The following NCOR1 variants were observed in gnomAD, a reference collection of about 807,000 sequenced individuals.
The protein encoded by NCOR1 is protein phosphatase 1, regulatory subunit 109.
NCOR1 carries 63 observed loss-of-function variants against 288.1 expected under a neutral mutation model. The ratio of observed to expected loss-of-function variants is 0.22; its 90% CI spans 0.18 to 0.27. NCOR1 has a LOEUF of 0.27. Ranked by LOEUF, NCOR1 falls within the 10% of genes least tolerant of loss-of-function variation. NCOR1 has a pLI of 1.00. For missense variants in NCOR1, 2,397 were observed against 3,019.2 expected (o/e 0.79, Z 4.83); for synonymous variants, 1,007 against 1,065.9 (o/e 0.94, Z 1.08).
intron 8 of NCOR1, chr17:16,151,718 T>A: frequency 1.8e-6 from 2 of 1,140,060 alleles, no homozygotes; most frequent in Middle Eastern, 2.4e-4. Context: ...TAAAACCAGC[T>A]AGTTTTATGC....
chr17:16,094,165 A>G (rs141722034), intron 21 of NCOR1, among the ~76,000 whole-genome samples: 7 of 152,170 alleles, frequency 4.6e-5, no homozygotes, highest in African/African-American at 1.7e-4. Flanking sequence ...CGGCCTCCCA[A>G]AAGTGTTGGG....
intron 6 of NCOR1, among the ~76,000 whole-genome samples, chr17:16,153,723 G>A (rs62072471): frequency 0.022 from 3,345 of 152,220 alleles, 59 homozygotes; most frequent in Admixed American, 0.039. Flanking sequence ...AAAAACTGGA[G>A]AGAGGGAATG....
chr17:16,093,997 T>C (rs1420341808), intron 21 of NCOR1, among the ~76,000 whole-genome samples: 1 of 152,058 alleles, frequency 6.6e-6, no homozygotes, highest in African/African-American at 2.4e-5. Flanking sequence ...AACCTCAAAC[T>C]CTCGAGCTCA....
At chr17:16,153,657 A>G (rs2079218116) in intron 6 of NCOR1, among the ~76,000 whole-genome samples, 4 of 152,208 alleles carry the variant, frequency 2.6e-5, no homozygotes, top group Non-Finnish European at 5.9e-5. Context: ...TAACATTTGT[A>G]TTGAAAGCAA....
intron 3 of NCOR1, among the ~76,000 whole-genome samples, chr17:16,184,428 A>C (rs1320508582): frequency 6.6e-6 from 1 of 152,234 alleles, no homozygotes; most frequent in African/African-American, 2.4e-5. Flanking sequence ...TTCTCAAAAG[A>C]AAACGTAAAA....
At chr17:16,148,082 G>A (rs917250939) in intron 9 of NCOR1, among the ~76,000 whole-genome samples, 4 of 152,228 alleles carry the variant, frequency 2.6e-5, no homozygotes, top group Non-Finnish European at 5.9e-5. Context: ...CTTCCAAAGT[G>A]CTGGGATTAC....
In NCOR1 at chr17:16,168,813, A is replaced by ATACAAAAT. The variant is rs2082546250; in HGVS notation, c.435+2989_435+2990insATTTTGTA. 2.0e-5 allele frequency among the ~76,000 whole-genome samples: 3 copies of ATACAAAAT among 152,154 alleles called. No individual in the cohort carries two copies. In the South Asian group the frequency reaches 6.2e-4, roughly 32 times the overall value. On this transcript the variant is annotated intron_variant, in intron 4 of 45. Coordinates refer to ENST00000268712, the MANE Select transcript of NCOR1 (RefSeq NM_006311.4). ...TGGTGAAACCTCGTCTCCACTAAAA[A>ATACAAAAT]TACAAAAATTAGCTGAACTTGGTGG...
At chr17:16,050,733 GTT>G (rs200523644) in intron 40 of NCOR1, among the ~76,000 whole-genome samples, 1 of 97,758 alleles carries the variant, frequency 1.0e-5, no homozygotes, top group South Asian at 2.7e-4. Context: ...TCTTAAACAT[GTT>G]TTTTTTATTT....
chr17:16,193,864 G>A (rs1269720215), intron 2 of NCOR1, among the ~76,000 whole-genome samples: 3 of 151,926 alleles, frequency 2.0e-5, no homozygotes, highest in Non-Finnish European at 2.9e-5. Flanking sequence ...TGCTTTCTTA[G>A]TCTCTGAGAG....
At chr17:16,131,263 C>G (rs575615624) in intron 14 of NCOR1, among the ~76,000 whole-genome samples, 107 of 151,296 alleles carry the variant, frequency 7.1e-4, no homozygotes, top group Non-Finnish European at 1.4e-3. Context: ...CAGGCTCAAG[C>G]AATCCTCCTC....
intron 10 of NCOR1, among the ~76,000 whole-genome samples, chr17:16,144,947 G>A (rs145948673): frequency 2.8e-4 from 43 of 151,940 alleles, no homozygotes; most frequent in Non-Finnish European, 5.1e-4. Context: ...GCTTTCCACC[G>A]TCTCCCTCTG....
At chr17:16,117,287 C>T (rs954946299) in intron 18 of NCOR1, among the ~76,000 whole-genome samples, 55 of 151,966 alleles carry the variant, frequency 3.6e-4, no homozygotes, top group African/African-American at 1.2e-3. Context: ...TATTTAATTC[C>T]CTTTACTACA....
intron 15 of NCOR1, among the ~76,000 whole-genome samples, chr17:16,125,219 C>A (rs1420291044): frequency 3.3e-5 from 5 of 151,742 alleles, no homozygotes; most frequent in African/African-American, 7.3e-5. Context: ...CAAAATTAGC[C>A]GGGCGTGGTG....
intron 23 of NCOR1, among the ~76,000 whole-genome samples, chr17:16,083,456 G>C (rs2063720587): frequency 2.0e-5 from 3 of 151,980 alleles, no homozygotes; most frequent in Non-Finnish European, 4.4e-5. Context: ...TTAAAGCGCT[G>C]CTGAGAGATA....
At chr17:16,194,702 A>C in intron 1 of NCOR1, 63 bp from the exon 2 acceptor site, 1 of 513,544 alleles carries the variant, frequency 1.9e-6, no homozygotes, top group South Asian at 3.1e-5. Context: ...ACTTCTAATA[A>C]ATTATAACTA....
chr17:16,091,799 G>A, intron 22 of NCOR1, 64 bp downstream of exon 22: 5 of 1,608,678 alleles, frequency 3.1e-6, no homozygotes, highest in East Asian at 4.5e-5. Flanking sequence ...AATGGACACT[G>A]CTTTTGGGTT....
At chr17:16,130,847 C>T (rs2075495367) in intron 14 of NCOR1, among the ~76,000 whole-genome samples, 1 of 151,356 alleles carries the variant, frequency 6.6e-6, no homozygotes, top group South Asian at 2.1e-4. Context: ...CCACACCTGG[C>T]TAATTTTTTT....
At chr17:16,210,237 A>C (rs1402776129) in intron 1 of NCOR1, among the ~76,000 whole-genome samples, 1 of 152,000 alleles carries the variant, frequency 6.6e-6, no homozygotes, top group African/African-American at 2.4e-5. Context: ...ATACAAAATT[A>C]GCAGGGCGTG....
At chr17:16,033,270 G>C (rs893951330) in intron 45 of NCOR1, among the ~76,000 whole-genome samples, 9 of 149,992 alleles carry the variant, frequency 6.0e-5, no homozygotes, top group Non-Finnish European at 1.5e-5. Flanking sequence ...AGGAGGCGGA[G>C]GTTGCTGTGA....
Sources: gnomAD v4.1 joint callset for allele counts (sites outside exome capture counted in the v4.1 genomes callset) on GRCh38, gnomAD v4.1.1 for gene constraint, MANE v1.5 for transcripts, NCBI Gene and HGNC (gene_info 2026-07-23, HGNC 2026-07-21) for gene names.